TLR6: variants seen among roughly 807,000 people sequenced by gnomAD.
TLR6 encodes toll-like receptor 6.
A neutral mutation model predicts 16.1 loss-of-function variants in TLR6; 9 were observed. That is an observed-to-expected ratio of 0.56 (90% CI 0.34 to 0.98). TLR6 has a LOEUF of 0.98. Among genes scored for constraint, TLR6 ranks in the 50% least tolerant of loss-of-function variants. The pLI, the probability that TLR6 is intolerant of heterozygous loss-of-function variation, is 0.02. For missense variants in TLR6, 786 were observed against 921.0 expected (o/e 0.85, Z 1.90); for synonymous variants, 340 against 338.6 (o/e 1.00, Z -0.04).
intron 1 of TLR6, among the ~76,000 whole-genome samples, chr4:38,832,968 G>A (rs1711697022): frequency 6.6e-6 from 1 of 151,926 alleles, no homozygotes; most frequent in African/African-American, 2.4e-5. Flanking sequence ...GGGGCCTGAG[G>A]ACAGGTCCAC....
At chr4:38,846,816 T>C (rs1032724138) in intron 1 of TLR6, among the ~76,000 whole-genome samples, 7 of 151,964 alleles carry the variant, frequency 4.6e-5, no homozygotes, top group African/African-American at 1.7e-4. Flanking sequence ...AGTTGTCTAA[T>C]TGAAAGGAAG....
chr4:38,847,804 G>A (rs1712594812), intron 1 of TLR6, among the ~76,000 whole-genome samples: 1 of 152,224 alleles, frequency 6.6e-6, no homozygotes, highest in African/African-American at 2.4e-5. Flanking sequence ...ACTGGGTGGA[G>A]CCCACCACAG....
chr4:38,848,342 G>A (rs1712624334), intron 1 of TLR6, among the ~76,000 whole-genome samples: 1 of 152,218 alleles, frequency 6.6e-6, no homozygotes, highest in Admixed American at 6.5e-5. Context: ...AAAAAACAGA[G>A]CAGAAAAGCT....
chr4:38,828,910 T>C lies in TLR6; in HGVS notation c.564A>G (p.Thr188=), dbSNP rs1224157473. Residue 188 remains threonine, a synonymous_variant, in exon 2 of 2, where the codon ACA becomes ACG. Transcript: ENST00000436693. Reference sequence around the variant, plus strand: ...TTGCATTCAGAATTTGTAGACTTTCTGTCTCATTTTCTTTTATATAATAAT... The same window carrying C: ...TTGCATTCAGAATTTGTAGACTTTCCGTCTCATTTTCTTTTATATAATAAT... 3.1e-6 allele frequency: 5 copies of C among 1,609,750 alleles called. No homozygotes were observed. In the African/African-American group the frequency reaches 6.7e-5, roughly 22 times the overall value.
chr4:38,833,810 T>A (rs1711754637), intron 1 of TLR6, among the ~76,000 whole-genome samples: 1 of 152,040 alleles, frequency 6.6e-6, no homozygotes, highest in South Asian at 2.1e-4. Flanking sequence ...ATCAGAAAAA[T>A]AATTTATGAT....
intron 1 of TLR6, among the ~76,000 whole-genome samples, chr4:38,853,212 A>G (rs1712838433): frequency 1.5e-5 from 2 of 129,262 alleles, no homozygotes; most frequent in Non-Finnish European, 3.1e-5. Context: ...AGGGAACATA[A>G]CACACTGGGG....
intron 1 of TLR6, among the ~76,000 whole-genome samples, chr4:38,847,717 G>A (rs767411985): frequency 2.6e-5 from 4 of 152,234 alleles, no homozygotes; most frequent in African/African-American, 7.2e-5. Context: ...AAACTGCAAG[G>A]TGGCAGTGAG....
chr4:38,841,036 T>C (rs1712232909), intron 1 of TLR6, among the ~76,000 whole-genome samples: 1 of 152,158 alleles, frequency 6.6e-6, no homozygotes, highest in South Asian at 2.1e-4. Flanking sequence ...TTTTTCTTCT[T>C]AATTTTTTTT....
At chr4:38,858,833 A>AGAGAG (rs1713116154), upstream of TLR6, among the ~76,000 whole-genome samples, 5 of 17,650 alleles carry the variant, frequency 2.8e-4, no homozygotes, top group Admixed American at 5.8e-4. Context: ...GAGAGAGAGG[A>AGAGAG]AGAAAGAAAG....
intron 1 of TLR6, among the ~76,000 whole-genome samples, chr4:38,831,804 C>A (rs1220641271): frequency 6.6e-6 from 1 of 152,144 alleles, no homozygotes; most frequent in Non-Finnish European, 1.5e-5. Flanking sequence ...ATTAATACAG[C>A]AATGAAATTA....
chr4:38,849,451 C>A (rs1434139447), intron 1 of TLR6, among the ~76,000 whole-genome samples: 19 of 152,132 alleles, frequency 1.2e-4, no homozygotes. Flanking sequence ...TGTAAATGGG[C>A]TAAATGCTCC....
At chr4:38,849,244 C>T (rs1215528900) in intron 1 of TLR6, among the ~76,000 whole-genome samples, 1 of 152,228 alleles carries the variant, frequency 6.6e-6, no homozygotes, top group East Asian at 1.9e-4. Flanking sequence ...ATTTTGTCAC[C>T]ACCAGGCCTG....
At chr4:38,829,269 C>G (rs374579897) in exon 2 of TLR6, 7 of 1,614,004 alleles carry the variant, frequency 4.3e-6, no homozygotes, top group Non-Finnish European at 5.9e-6. Flanking sequence ...ATGTCAGAGA[C>G]CTGAAGCTCA....
rs544882693 is a variant in TLR6 at position 38,841,259 on chromosome 4, T to C, written c.-64-11722A>G. Among the ~76,000 whole-genome samples, 6 of 152,338 alleles carry C rather than the reference T, an allele frequency of 3.9e-5. No individual in the cohort carries two copies. In the South Asian group the frequency reaches 1.2e-3, roughly 32 times the overall value. ...TCCATAAAAGTACATTATCACAACA[T>C]TGACTTTGTGTGCAAGCATTGTGTG... is the stretch of plus-strand genomic sequence containing the variant. On this transcript the variant is annotated intron_variant, in intron 1 of 1. Coordinates refer to ENST00000436693, the Ensembl canonical transcript of TLR6.
exon 2 of TLR6, chr4:38,828,981 G>C: frequency 6.2e-7 from 1 of 1,613,740 alleles, no homozygotes. Context: ...TGAGCAATTG[G>C]CAGCAAATCT....
At chr4:38,823,490 C>G (rs1235954495), downstream of TLR6, among the ~76,000 whole-genome samples, 1 of 152,184 alleles carries the variant, frequency 6.6e-6, no homozygotes, top group African/African-American at 2.4e-5. Flanking sequence ...CTCTGCCATG[C>G]CCCATTCCTT....
chr4:38,856,474 G>A (rs73811228), intron 1 of TLR6, among the ~76,000 whole-genome samples: 4,784 of 152,254 alleles, frequency 0.031, 213 homozygotes, highest in African/African-American at 0.086. Flanking sequence ...AAAATTCGCT[G>A]GGCCAAATCA....
intron 1 of TLR6, among the ~76,000 whole-genome samples, chr4:38,853,989 G>A (rs1213521412): frequency 6.6e-6 from 1 of 152,076 alleles, no homozygotes; most frequent in Non-Finnish European, 1.5e-5. Flanking sequence ...AAATTAATAA[G>A]ATACATACCA....
At chr4:38,853,058 A>C (rs1045999663) in intron 1 of TLR6, among the ~76,000 whole-genome samples, 6 of 149,498 alleles carry the variant, frequency 4.0e-5, no homozygotes, top group Non-Finnish European at 4.5e-5. Context: ...GCCATAAAAA[A>C]GGATGAGTTC....
Sources: allele counts gnomAD v4.1 joint callset (sites outside exome capture counted in the v4.1 genomes callset), GRCh38; gene constraint gnomAD v4.1.1; transcripts MANE v1.5; gene names NCBI Gene and HGNC (gene_info 2026-07-23, HGNC 2026-07-21).